The following TBXAS1 variants were observed in gnomAD, a reference collection of about 807,000 sequenced individuals.
The protein encoded by TBXAS1 is thromboxane A synthase 1.
Under a neutral mutation model 60.7 loss-of-function variants are expected in TBXAS1, and 48 were observed. The observed-to-expected ratio is 0.79, with a 90% CI of 0.63 to 1.01. The LOEUF (loss-of-function observed/expected upper bound fraction) is 1.01, where lower values mean the gene tolerates loss of function less well. TBXAS1 is among the 50% of genes least tolerant of loss of function. The probability of loss-of-function intolerance (pLI) is 0.00; values close to 1 mark genes in which losing one functional copy is unlikely to be tolerated. For synonymous variants in TBXAS1, 287 were observed against 269.7 expected (o/e 1.06, Z -0.63); for missense variants, 685 against 686.3 (o/e 1.00, Z 0.02).
At chr7:139,968,970 C>T (rs973142414) in intron 9 of TBXAS1, among the ~76,000 whole-genome samples, 2 of 152,176 alleles carry the variant, frequency 1.3e-5, no homozygotes, top group South Asian at 4.1e-4. Context: ...AGGAAAAAAA[C>T]CAACTTCTTT....
At chr7:139,889,563 T>C (rs750006000) in intron 3 of TBXAS1, among the ~76,000 whole-genome samples, 1 of 152,194 alleles carries the variant, frequency 6.6e-6, no homozygotes, top group African/African-American at 2.4e-5. Flanking sequence ...ATAGACTGGG[T>C]GGCTTATGAA....
intron 12 of TBXAS1, among the ~76,000 whole-genome samples, chr7:140,018,471 G>A (rs146603924): frequency 1.5e-3 from 227 of 152,236 alleles, no homozygotes; most frequent in Middle Eastern, 3.4e-3. Context: ...CATTCCTGAG[G>A]TCCTAGACTG....
At chr7:139,917,134 G>A (rs1169689507) in intron 4 of TBXAS1, among the ~76,000 whole-genome samples, 1 of 152,124 alleles carries the variant, frequency 6.6e-6, no homozygotes, top group East Asian at 1.9e-4. Flanking sequence ...TCTTGAGAAA[G>A]GTCAACTCAC....
chr7:139,861,912 A>G (rs1368579990), intron 1 of TBXAS1, among the ~76,000 whole-genome samples: 2 of 152,144 alleles, frequency 1.3e-5, no homozygotes, highest in African/African-American at 4.8e-5. Flanking sequence ...CTCTGCTTCC[A>G]GGCATCACGT....
intron 4 of TBXAS1, among the ~76,000 whole-genome samples, chr7:139,813,518 A>T (rs1798074565): frequency 6.6e-6 from 1 of 152,176 alleles, no homozygotes; most frequent in Non-Finnish European, 1.5e-5. Flanking sequence ...GTTTGTCCAA[A>T]GGTTTGGTTA....
intron 3 of TBXAS1, among the ~76,000 whole-genome samples, chr7:139,897,350 C>CG (rs1347589150): frequency 2.4e-4 from 1 of 4,088 alleles, no homozygotes; most frequent in Non-Finnish European, 4.4e-4. Context: ...GGAGGGGGAC[C>CG]GGGGGCAGGC....
intron 3 of TBXAS1, among the ~76,000 whole-genome samples, chr7:139,879,133 A>C (rs1569506437): frequency 6.6e-6 from 1 of 152,226 alleles, no homozygotes; most frequent in Non-Finnish European, 1.5e-5. Context: ...GGGCTGGAGA[A>C]GGTTTCCATC....
At chr7:139,847,522 TAACC>T (rs965268606) in intron 1 of TBXAS1, among the ~76,000 whole-genome samples, 114 of 152,118 alleles carry the variant, frequency 7.5e-4, no homozygotes, top group African/African-American at 2.6e-3. Context: ...GCCAGCCAAC[TAACC>T]AACCAACCAA....
intron 1 of TBXAS1, among the ~76,000 whole-genome samples, chr7:139,861,502 G>A (rs1353535925): frequency 7.0e-6 from 1 of 143,410 alleles, no homozygotes; most frequent in East Asian, 2.0e-4. Flanking sequence ...GACCTCCTTT[G>A]CCTTGGCCTC....
At chr7:139,901,816 G>A (rs1804604533) in intron 3 of TBXAS1, among the ~76,000 whole-genome samples, 2 of 152,042 alleles carry the variant, frequency 1.3e-5, no homozygotes, top group South Asian at 4.1e-4. Context: ...TCTTGCATCA[G>A]AATCTGAGAG....
intron 4 of TBXAS1, among the ~76,000 whole-genome samples, chr7:139,801,535 A>G (rs1212910591): frequency 6.6e-6 from 1 of 151,758 alleles, no homozygotes; most frequent in East Asian, 1.9e-4. Context: ...CAGTGGCACA[A>G]CTCAGCTCAC....
chr7:139,895,837 G>A (rs2284201), intron 3 of TBXAS1, among the ~76,000 whole-genome samples: 7 of 152,190 alleles, frequency 4.6e-5, no homozygotes, highest in Non-Finnish European at 8.8e-5. Context: ...ACAAAGGCAG[G>A]CCCATGGCTG....
Position 139,957,599 on chromosome 7 carries a change from C to G in TBXAS1, c.689-35C>G, listed in dbSNP as rs767381176. On this transcript the variant is annotated intron_variant, in intron 7 of 12. Transcript: ENST00000448866. ...TAATGGCCCTGGTTTATTATCACCCCCTTTTCAATGCCACTTTTGTTTTTC... is the reference window on the plus strand; with the variant it reads ...TAATGGCCCTGGTTTATTATCACCCGCTTTTCAATGCCACTTTTGTTTTTC... 9 of 1,613,696 alleles carry G rather than the reference C, an allele frequency of 5.6e-6. No individual in the cohort carries two copies. The African/African-American group carries it at 1.1e-4, about 19-fold the overall frequency.
chr7:139,946,444 A>C (rs1331676286), intron 5 of TBXAS1, among the ~76,000 whole-genome samples: 1 of 152,236 alleles, frequency 6.6e-6, no homozygotes, highest in Non-Finnish European at 1.5e-5. Flanking sequence ...TGCTTAGGCT[A>C]TAGTCTTTTT....
intron 1 of TBXAS1, among the ~76,000 whole-genome samples, chr7:139,838,829 C>T (rs978746474): frequency 6.6e-6 from 1 of 152,094 alleles, no homozygotes; most frequent in East Asian, 1.9e-4. Context: ...GGCTGCACCA[C>T]CAGGGCTGGA....
intron 1 of TBXAS1, among the ~76,000 whole-genome samples, chr7:139,841,974 A>G (rs909838694): frequency 2.0e-5 from 3 of 152,174 alleles, no homozygotes; most frequent in African/African-American, 7.2e-5. Context: ...AAAACAGTCC[A>G]TATTTTGGCA....
At chr7:139,980,271 C>T (rs948546697) in intron 9 of TBXAS1, among the ~76,000 whole-genome samples, 10 of 152,124 alleles carry the variant, frequency 6.6e-5, no homozygotes, top group African/African-American at 2.4e-4. Flanking sequence ...AGGGATGAAA[C>T]ATCACCCCTA....
At chr7:139,904,997 C>CTTTCTTTCTTTTTTTCTTTCTT (rs1292195756) in intron 3 of TBXAS1, among the ~76,000 whole-genome samples, 1 of 93,130 alleles carries the variant, frequency 1.1e-5, no homozygotes, top group African/African-American at 4.7e-5. Flanking sequence ...CTCTCTTTCT[C>CTTTCTTTCTTTTTTTCTTTCTT]TCTTTCTCTC....
At chr7:139,943,435 A>C (rs977729834) in intron 5 of TBXAS1, among the ~76,000 whole-genome samples, 1 of 152,208 alleles carries the variant, frequency 6.6e-6, no homozygotes, top group Non-Finnish European at 1.5e-5. Context: ...TTGCATTTGC[A>C]TTTAAAAGAA....
Sources: gnomAD v4.1 joint callset for allele counts (sites outside exome capture counted in the v4.1 genomes callset) on GRCh38, gnomAD v4.1.1 for gene constraint, MANE v1.5 for transcripts, NCBI Gene and HGNC (gene_info 2026-07-23, HGNC 2026-07-21) for gene names.